The following DGKK variants were observed in gnomAD, a reference collection of about 807,000 sequenced individuals.
The protein encoded by DGKK is diacylglycerol kinase kappa.
DGKK carries 35 observed loss-of-function variants against 92.2 expected under a neutral mutation model. The ratio of observed to expected loss-of-function variants is 0.38; its 90% CI spans 0.29 to 0.50. The LOEUF (loss-of-function observed/expected upper bound fraction) is 0.50. DGKK is among the 20% of genes least tolerant of loss of function. The probability of loss-of-function intolerance (pLI) is 0.92; values close to 1 mark genes in which losing one functional copy is unlikely to be tolerated. For missense variants in DGKK, 910 were observed against 992.2 expected, an observed-to-expected ratio of 0.92 and a Z score of 1.11; for synonymous variants, 368 against 360.6, an observed-to-expected ratio of 1.02 and a Z score of -0.23.
Position 50,470,543 on chromosome X carries a change from GCAGCGGCGGAGC to G in DGKK, c.124_135del (p.Ala42_Leu45del), listed in dbSNP as rs1338478889. On this transcript the variant is annotated inframe_deletion, in exon 1 of 28. Transcript: ENST00000611977. ...ATGGGTTCTGGCGAAGCCTCGGAGA[GCAGCGGCGGAGC>G]CGGCGGCGGAGCCGGTGGTGGTGGC... is the stretch of plus-strand genomic sequence containing the variant. 17 of 1,208,657 alleles carry G rather than the reference GCAGCGGCGGAGC, an allele frequency of 1.4e-5. No homozygotes were observed. Among genetic ancestry groups the G allele is most frequent in the East Asian group, 3.0e-5 (1 of 33,767 alleles).
intron 8 of DGKK, among the ~76,000 whole-genome samples, chrX:50,397,422 T>C (rs782713928): frequency 8.0e-5 from 9 of 112,308 alleles, no homozygotes; most frequent in African/African-American, 2.9e-4. Context: ...TTATTCCTTA[T>C]TGGCAGAAAA....
At chrX:50,443,169 T>C (rs1056178846) in intron 1 of DGKK, among the ~76,000 whole-genome samples, 2 of 110,472 alleles carry the variant, frequency 1.8e-5, no homozygotes, top group African/African-American at 6.6e-5. Context: ...TAGGGGAGGG[T>C]ATTATACAAA....
intron 1 of DGKK, among the ~76,000 whole-genome samples, chrX:50,428,224 CA>C (rs1308065403): frequency 9.7e-6 from 1 of 103,597 alleles, no homozygotes; most frequent in Non-Finnish European, 2.0e-5. Flanking sequence ...ATTATTAACA[CA>C]TTTTAGATTA....
chrX:50,414,686 T>A (rs1453769194), intron 4 of DGKK, among the ~76,000 whole-genome samples: 1 of 111,544 alleles, frequency 9.0e-6, no homozygotes, highest in Non-Finnish European at 1.9e-5. Flanking sequence ...TTTGGAAAAT[T>A]CTCAGTCTGT....
At chrX:50,393,495 G>T (rs1337071500) in intron 8 of DGKK, among the ~76,000 whole-genome samples, 160 bp from the exon 9 acceptor site, 3 of 111,620 alleles carry the variant, frequency 2.7e-5, no homozygotes, top group Non-Finnish European at 3.8e-5. Context: ...ACCCAGAGGG[G>T]CTTAAAAGTA....
chrX:50,386,280 A>T (rs1602271133), intron 15 of DGKK, 78 bp downstream of exon 15: 1 of 728,915 alleles, frequency 1.4e-6, no homozygotes, highest in South Asian at 2.4e-5. Context: ...GCAAACCCGG[A>T]GTCAGTGAGG....
chrX:50,376,930 T>C lies in DGKK; in HGVS notation c.3112-12A>G. ...GAGTTCTCAAAGTCCTGGAGATGAA[T>C]ACAGTGGCATATCCTAATGATTGCT... On this transcript the variant is annotated splice_polypyrimidine_tract_variant and intron_variant, in intron 22 of 27. Coordinates refer to ENST00000611977, the MANE Select transcript of DGKK (RefSeq NM_001013742.4). 1 of 1,178,430 alleles carries C rather than the reference T, an allele frequency of 8.5e-7. No individual in the cohort carries two copies. The highest frequency in any genetic ancestry group is 2.0e-5 in the South Asian group (1 of 49,653).
At chrX:50,455,501 ACTC>A (rs1167370122) in intron 1 of DGKK, among the ~76,000 whole-genome samples, 1 of 111,574 alleles carries the variant, frequency 9.0e-6, no homozygotes, top group Non-Finnish European at 1.9e-5. Context: ...GTATTTTCAT[ACTC>A]CTCCTATTAA....
At chrX:50,466,432 G>A (rs1926913238) in intron 1 of DGKK, among the ~76,000 whole-genome samples, 1 of 111,571 alleles carries the variant, frequency 9.0e-6, no homozygotes, top group African/African-American at 3.3e-5. Flanking sequence ...TGCTGGGACT[G>A]CATGGGATAA....
At chrX:50,454,643 T>C (rs782496601) in intron 1 of DGKK, among the ~76,000 whole-genome samples, 1 of 111,652 alleles carries the variant, frequency 9.0e-6, no homozygotes, top group Non-Finnish European at 1.9e-5. Flanking sequence ...CAGGTATTTG[T>C]GTATGTTGCT....
At chrX:50,400,887 C>A in intron 8 of DGKK, 150 bp downstream of exon 8, 2 of 481,062 alleles carry the variant, frequency 4.2e-6, no homozygotes, top group Non-Finnish European at 7.2e-6. Flanking sequence ...GTAAGAGAAC[C>A]AGGAGCTATC....
chrX:50,376,348 C>T (rs782553594), intron 23 of DGKK, among the ~76,000 whole-genome samples, 183 bp from the exon 24 acceptor site: 1 of 111,665 alleles, frequency 9.0e-6, no homozygotes. Context: ...AATGTTTCTA[C>T]TCTTCTCTAG....
In DGKK at chrX:50,456,276, T is replaced by G. The variant is rs146694727; in HGVS notation, c.645+13758A>C. 7.5e-3 allele frequency among the ~76,000 whole-genome samples: 838 copies of G among 111,717 alleles called. 9 individuals carry two copies. Among genetic ancestry groups the G allele is most frequent in the African/African-American group, 0.027 (816 of 30,712 alleles). ...TCCTGTAATTAGTAGAACGCTATTT[T>G]AGATAAAACTTGGACTGCCAAAGGA... On this transcript the variant is annotated intron_variant, in intron 1 of 27. Transcript: ENST00000611977.
chrX:50,469,079 C>A lies in DGKK; in HGVS notation c.645+955G>T, dbSNP rs1926984721. Among the ~76,000 whole-genome samples, 3 of 110,880 alleles carry A rather than the reference C, an allele frequency of 2.7e-5. No homozygotes were observed. The Admixed American group carries it at 2.9e-4, about 11-fold the overall frequency. ...CAGGGTCCAAGGTAAACACGAAAAC[C>A]TTTTTCCTCCCTACTCCCCTTGGGC... On this transcript the variant is annotated intron_variant, in intron 1 of 27. Coordinates refer to ENST00000611977, the MANE Select transcript of DGKK (RefSeq NM_001013742.4).
At chrX:50,386,065 C>T (rs1198934239) in intron 15 of DGKK, among the ~76,000 whole-genome samples, 1 of 111,378 alleles carries the variant, frequency 9.0e-6, no homozygotes, top group Non-Finnish European at 1.9e-5. Context: ...GAGCTTTGAA[C>T]CAGGTCACTT....
At position 50,431,282 on chromosome X, in the gene DGKK, T is replaced by C. The variant is rs148598379; in HGVS notation, c.646-6924A>G. 9.2e-3 allele frequency among the ~76,000 whole-genome samples: 1,022 copies of C among 111,343 alleles called. 6 individuals are homozygous for C. The highest frequency in any genetic ancestry group is 0.041 in the Middle Eastern group (9 of 219). On this transcript the variant is annotated intron_variant, in intron 1 of 27. Coordinates refer to ENST00000611977, the MANE Select transcript of DGKK (RefSeq NM_001013742.4). ...TGGGCTCAAGCAATCCTCCCACCTC[T>C]GTAATCCCATTACAGAAATGAGCTA... is the stretch of plus-strand genomic sequence containing the variant.
chrX:50,381,329 A>C (rs1557224433), intron 18 of DGKK, among the ~76,000 whole-genome samples: 1 of 111,262 alleles, frequency 9.0e-6, no homozygotes, highest in Admixed American at 9.6e-5. Context: ...TTAGTCAAGC[A>C]TGGTATCATG....
At chrX:50,413,489 T>C (rs1470017001) in intron 4 of DGKK, among the ~76,000 whole-genome samples, 3 of 112,020 alleles carry the variant, frequency 2.7e-5, no homozygotes, top group African/African-American at 9.7e-5. Flanking sequence ...CCAAAATATA[T>C]AAGGAACTGT....
intron 4 of DGKK, among the ~76,000 whole-genome samples, chrX:50,419,936 T>C (rs1925533183): frequency 8.9e-6 from 1 of 112,291 alleles, no homozygotes; most frequent in Admixed American, 9.4e-5. Context: ...GTCAAGGACA[T>C]AGGCTTTGGA....
Sources: allele counts gnomAD v4.1 joint callset (sites outside exome capture counted in the v4.1 genomes callset), GRCh38; gene constraint gnomAD v4.1.1; transcripts MANE v1.5; gene names NCBI Gene and HGNC (gene_info 2026-07-23, HGNC 2026-07-21).